The following CHST9 variants were observed in gnomAD, a reference collection of about 807,000 sequenced individuals.
CHST9 encodes the protein carbohydrate sulfotransferase 9, also known as GalNAc-4-sulfotransferase 2.
In CHST9, 41 loss-of-function variants were observed where a neutral mutation model predicts 44.4. The observed-to-expected ratio is 0.92, with a 90% CI of 0.72 to 1.20. The LOEUF (loss-of-function observed/expected upper bound fraction) is 1.20, where lower values mean the gene tolerates loss of function less well. CHST9 is among the 50% of genes most tolerant of loss of function. The pLI is 0.00. For synonymous variants in CHST9, 171 were observed against 178.4 expected (o/e 0.96, Z 0.33); for missense variants, 504 against 516.5 (o/e 0.98, Z 0.23).
chr18:26,993,881 C>T (rs1005028858), intron 4 of CHST9, among the ~76,000 whole-genome samples: 3 of 152,190 alleles, frequency 2.0e-5, no homozygotes, highest in South Asian at 2.1e-4. Context: ...ATGTACTCCT[C>T]GTGGTTCTGG....
At chr18:26,918,195 C>A (rs573592026) in intron 5 of CHST9, among the ~76,000 whole-genome samples, 1 of 152,102 alleles carries the variant, frequency 6.6e-6, no homozygotes, top group Admixed American at 6.6e-5. Context: ...AGGTGGCATC[C>A]TCTGGTAGGG....
intron 1 of CHST9, among the ~76,000 whole-genome samples, chr18:27,159,578 A>G (rs2058728674): frequency 6.6e-6 from 1 of 152,108 alleles, no homozygotes; most frequent in African/African-American, 2.4e-5. Context: ...CTTAGGATTG[A>G]CTTGGCAATG....
chr18:27,185,061 G>C (rs1052353683), intron 1 of CHST9, 75 bp downstream of exon 1: 63 of 152,204 alleles, frequency 4.1e-4, no homozygotes, highest in African/African-American at 1.4e-3. Context: ...CTCCCGGCGC[G>C]GGTACCCAGC....
rs1416137928 is a variant in CHST9 at position 26,906,817 on chromosome 18, T to C, written c.*9442A>G. ...AGCTTAGTTTAGGGATTAGGAAGTG[T>C]TGGGGAGGTGAAGGGGGGTAGGTGG... On this transcript the variant is annotated 3_prime_UTR_variant, in exon 6 of 6. Transcript: ENST00000618847. The C allele has an allele frequency of 7.2e-5, 11 of 152,026 alleles. No individual in the cohort carries two copies. Among genetic ancestry groups the C allele is most frequent in the African/African-American group, 2.7e-4 (11 of 41,358 alleles). 9.4% of individuals were successfully genotyped at this position (152,026 alleles called of 1,614,324 possible). A position where few individuals can be genotyped will look rare whatever the true frequency, so the allele number is the denominator to read the frequency against.
chr18:27,054,501 A>C (rs1489246292), intron 2 of CHST9, among the ~76,000 whole-genome samples: 1 of 152,210 alleles, frequency 6.6e-6, no homozygotes, highest in Non-Finnish European at 1.5e-5. Context: ...TATTTAATTG[A>C]ACACTAAAGT....
chr18:27,162,085 G>A (rs1355467212), intron 1 of CHST9, among the ~76,000 whole-genome samples: 17 of 152,268 alleles, frequency 1.1e-4, no homozygotes, highest in African/African-American at 9.6e-5. Flanking sequence ...GTGTCTTTCA[G>A]TTGGAGCATT....
intron 1 of CHST9, among the ~76,000 whole-genome samples, chr18:27,171,187 G>A (rs1222040349): frequency 2.0e-5 from 3 of 152,188 alleles, no homozygotes; most frequent in African/African-American, 7.2e-5. Flanking sequence ...GGCTCCCCGT[G>A]TACAACACCT....
chr18:27,097,137 G>C (rs1024605198), intron 2 of CHST9, among the ~76,000 whole-genome samples: 4 of 151,986 alleles, frequency 2.6e-5, no homozygotes, highest in Non-Finnish European at 5.9e-5. Flanking sequence ...TCAAATAAAT[G>C]TGATTTACCA....
intron 4 of CHST9, among the ~76,000 whole-genome samples, chr18:26,953,183 G>C (rs1271142024): frequency 6.6e-6 from 1 of 152,150 alleles, no homozygotes; most frequent in Non-Finnish European, 1.5e-5. Flanking sequence ...GATATGGTGA[G>C]TTTAAGAACT....
chr18:27,126,999 C>T (rs948270211), intron 2 of CHST9, among the ~76,000 whole-genome samples: 3 of 152,130 alleles, frequency 2.0e-5, no homozygotes, highest in Non-Finnish European at 2.9e-5. Flanking sequence ...TCATACATGA[C>T]AACAGTCTTA....
At chr18:26,983,799 A>T (rs1036132049) in intron 4 of CHST9, among the ~76,000 whole-genome samples, 1 of 152,204 alleles carries the variant, frequency 6.6e-6, no homozygotes, top group Non-Finnish European at 1.5e-5. Flanking sequence ...TTAGACAAGG[A>T]AGAAATCACT....
At chr18:27,098,513 T>G (rs944072116) in intron 2 of CHST9, among the ~76,000 whole-genome samples, 14 of 152,160 alleles carry the variant, frequency 9.2e-5, no homozygotes, top group Non-Finnish European at 2.9e-5. Flanking sequence ...GTATGTTTAC[T>G]CCGGCACTAT....
chr18:27,042,827 TCTCA>T (rs2143538606), intron 3 of CHST9, among the ~76,000 whole-genome samples: 1 of 151,754 alleles, frequency 6.6e-6, no homozygotes, highest in South Asian at 2.1e-4. Flanking sequence ...TCTTCTTCCT[TCTCA>T]CTCTCCTTCC....
intron 4 of CHST9, among the ~76,000 whole-genome samples, chr18:26,946,457 C>T (rs899067369): frequency 6.6e-6 from 1 of 152,124 alleles, no homozygotes; most frequent in Non-Finnish European, 1.5e-5. Context: ...AGAGGCTACA[C>T]AGATAGGCAG....
intron 1 of CHST9, among the ~76,000 whole-genome samples, chr18:27,184,043 C>G (rs1382668857): frequency 6.6e-6 from 1 of 152,016 alleles, no homozygotes; most frequent in African/African-American, 2.4e-5. Flanking sequence ...TAGATTAATG[C>G]AATTCTGAGG....
chr18:26,953,890 T>C (rs77015358), intron 4 of CHST9, among the ~76,000 whole-genome samples: 209 of 152,252 alleles, frequency 1.4e-3, no homozygotes, highest in African/African-American at 4.7e-3. Flanking sequence ...ACCACTTCTG[T>C]AGGGGTGCTT....
chr18:27,059,584 A>G (rs2057697150), intron 2 of CHST9, among the ~76,000 whole-genome samples: 3 of 152,208 alleles, frequency 2.0e-5, no homozygotes, highest in Admixed American at 2.0e-4. Context: ...TTCACTTTAA[A>G]TAGCAATTTA....
chr18:27,048,362 A>G (rs766893363), intron 3 of CHST9, 103 bp downstream of exon 3: 1 of 850,662 alleles, frequency 1.2e-6, no homozygotes. Context: ...AAAACCATAA[A>G]CTATTAATTT....
At chr18:26,978,581 T>C (rs2056653673) in intron 4 of CHST9, among the ~76,000 whole-genome samples, 1 of 152,172 alleles carries the variant, frequency 6.6e-6, no homozygotes, top group South Asian at 2.1e-4. Context: ...GTCTATCATG[T>C]GAGTTTTGTG....
Sources: gnomAD v4.1 joint callset for allele counts (sites outside exome capture counted in the v4.1 genomes callset) on GRCh38, gnomAD v4.1.1 for gene constraint, MANE v1.5 for transcripts, NCBI Gene and HGNC (gene_info 2026-07-23, HGNC 2026-07-21) for gene names.